The following SLC15A2 variants were observed in gnomAD, a reference collection of about 807,000 sequenced individuals.
SLC15A2 encodes solute carrier family 15 member 2.
In SLC15A2, 77 loss-of-function variants were observed where a neutral mutation model predicts 95.5. That is an observed-to-expected ratio of 0.81 (90% confidence interval 0.67 to 0.97). The LOEUF (loss-of-function observed/expected upper bound fraction) is 0.97, where lower values mean the gene tolerates loss of function less well. Ranked by LOEUF, SLC15A2 falls within the 50% of genes least tolerant of loss-of-function variation. The pLI, the probability that SLC15A2 is intolerant of heterozygous loss-of-function variation, is 0.00. For synonymous variants in SLC15A2, 306 were observed against 306.9 expected (o/e 1.00, Z 0.03); for missense variants, 893 against 874.4 (o/e 1.02, Z -0.27).
In SLC15A2 at chr3:121,944,013, A is replaced by G. The variant is rs1188957433; in HGVS notation, c.*3006A>G. On this transcript the variant is annotated 3_prime_UTR_variant, in exon 22 of 22. Coordinates refer to ENST00000489711, the MANE Select transcript of SLC15A2 (RefSeq NM_021082.4). ...ATCTGTTATGTATCAATTTTTTAAA[A>G]AGTGAATGACATAATTCATTTGAAA... 1.3e-5 allele frequency: 2 copies of G among 152,246 alleles called. No homozygotes were observed. Among genetic ancestry groups the G allele is most frequent in the Admixed American group, 1.3e-4 (2 of 15,286 alleles). The allele number at this position is 152,246 out of a possible 1,614,324, so 9.4% of individuals were successfully genotyped here.
intron 19 of SLC15A2, among the ~76,000 whole-genome samples, chr3:121,939,006 T>G (rs1710406175): frequency 6.6e-6 from 1 of 152,228 alleles, no homozygotes; most frequent in African/African-American, 2.4e-5. Context: ...ATCTGAAAAT[T>G]TATTTTGTTT....
chr3:121,915,009 A>C, intron 5 of SLC15A2: 1 of 1,317,578 alleles, frequency 7.6e-7, no homozygotes, highest in Non-Finnish European at 9.7e-7. Flanking sequence ...AAGGGAGGAA[A>C]AGAATGCTAA....
chr3:121,930,797 T>C (rs1710217347), intron 17 of SLC15A2, 43 bp from the exon 18 acceptor site: 1 of 1,274,170 alleles, frequency 7.8e-7, no homozygotes, highest in African/African-American at 1.5e-5. Context: ...TTTTATCAGG[T>C]GTTCCTGTTT....
intron 19 of SLC15A2, among the ~76,000 whole-genome samples, chr3:121,938,000 G>T (rs1439050792): frequency 6.6e-6 from 1 of 151,650 alleles, no homozygotes; most frequent in Non-Finnish European, 1.5e-5. Context: ...ACCCTCAGCT[G>T]CAGGTCTGTT....
intron 2 of SLC15A2, 74 bp from the exon 3 acceptor site, chr3:121,897,313 AT>A (rs376735450): frequency 6.1e-5 from 95 of 1,549,736 alleles, no homozygotes; most frequent in Middle Eastern, 3.8e-4. Context: ...GAGATTAAAT[AT>A]TTTTTTCCAT....
chr3:121,937,613 C>T (rs1393174109), intron 19 of SLC15A2, among the ~76,000 whole-genome samples: 1 of 151,926 alleles, frequency 6.6e-6, no homozygotes, highest in Admixed American at 6.6e-5. Flanking sequence ...TTTTCAGCTC[C>T]ATCAGCTCCT....
At position 121,928,882 on chromosome 3, in the gene SLC15A2, A is replaced by G. The variant is rs891610836; in HGVS notation, c.1342-100A>G. The stretch of plus-strand genomic sequence containing the variant: ...TAAAGAAAGGAATTACTAGGTTGAA[A>G]GTGTCTGATGAGGTCACCTACCCTG... On this transcript the variant is annotated intron_variant, in intron 15 of 21. Transcript: ENST00000489711. The G allele has an allele frequency of 3.1e-6, 4 of 1,274,284 alleles. No individual in the cohort carries two copies. In the African/African-American group the frequency reaches 6.0e-5, roughly 19 times the overall value. The allele number at this position is 1,274,284 out of a possible 1,614,324, so 78.9% of individuals were successfully genotyped here.
intron 11 of SLC15A2, among the ~76,000 whole-genome samples, chr3:121,923,801 A>G (rs1443791395): frequency 2.0e-5 from 3 of 152,178 alleles, no homozygotes; most frequent in Non-Finnish European, 2.9e-5. Context: ...AGATTAGTGT[A>G]TTATTTTTCT....
chr3:121,920,186 A>G (rs1485341378), intron 7 of SLC15A2, among the ~76,000 whole-genome samples: 3 of 152,216 alleles, frequency 2.0e-5, no homozygotes, highest in East Asian at 3.8e-4. Context: ...CACTATTGCA[A>G]CCAGCATTCC....
chr3:121,931,178 C>A (rs961706266), intron 18 of SLC15A2, among the ~76,000 whole-genome samples: 2 of 152,148 alleles, frequency 1.3e-5, no homozygotes, highest in Non-Finnish European at 2.9e-5. Flanking sequence ...TTAACACAGC[C>A]CATCTCTGTA....
At chr3:121,909,652 T>A (rs1218762731) in intron 3 of SLC15A2, among the ~76,000 whole-genome samples, 2 of 152,186 alleles carry the variant, frequency 1.3e-5, no homozygotes, top group Non-Finnish European at 2.9e-5. Flanking sequence ...GTTGTTTTTT[T>A]AATCTATAAG....
At chr3:121,925,734 A>G (rs1308574616) in intron 13 of SLC15A2, among the ~76,000 whole-genome samples, 3 of 9,294 alleles carry the variant, frequency 3.2e-4, no homozygotes, top group Non-Finnish European at 4.3e-4. Flanking sequence ...GACTATATAT[A>G]TATATATATA....
At chr3:121,906,452 A>T (rs1254307892) in intron 3 of SLC15A2, among the ~76,000 whole-genome samples, 3 of 152,206 alleles carry the variant, frequency 2.0e-5, no homozygotes, top group Non-Finnish European at 4.4e-5. Context: ...TCTTTCTAGC[A>T]TTGATGGTCT....
chr3:121,906,145 GT>G (rs1251506164), intron 3 of SLC15A2, among the ~76,000 whole-genome samples: 1 of 152,070 alleles, frequency 6.6e-6, no homozygotes, highest in African/African-American at 2.4e-5. Flanking sequence ...TTTAAAGTCT[GT>G]TTTGTCAGAG....
chr3:121,924,413 T>G (rs1364607006), intron 12 of SLC15A2, 30 bp downstream of exon 12: 18 of 1,603,750 alleles, frequency 1.1e-5, no homozygotes, highest in Non-Finnish European at 1.5e-5. Context: ...CCATGGGGAC[T>G]TATTTGTTTC....
At chr3:121,915,732 T>C in intron 7 of SLC15A2, 39 bp downstream of exon 7, 1 of 1,407,298 alleles carries the variant, frequency 7.1e-7, no homozygotes, top group Non-Finnish European at 1.0e-6. Flanking sequence ...TAATCATTGA[T>C]ACCTGACACA....
At chr3:121,915,092 A>G in intron 5 of SLC15A2, 135 bp from the exon 6 acceptor site, 2 of 1,118,164 alleles carry the variant, frequency 1.8e-6, no homozygotes, top group South Asian at 3.9e-5. Context: ...TCTATTAATA[A>G]TATGAAATTC....
chr3:121,912,350 C>T (rs962079903), intron 4 of SLC15A2, among the ~76,000 whole-genome samples: 1 of 152,168 alleles, frequency 6.6e-6, no homozygotes, highest in African/African-American at 2.4e-5. Flanking sequence ...TCTCCCACCT[C>T]AGCCTCCCGA....
At chr3:121,935,704 T>TA (rs1710330003) in intron 19 of SLC15A2, among the ~76,000 whole-genome samples, 1 of 152,104 alleles carries the variant, frequency 6.6e-6, no homozygotes, top group Non-Finnish European at 1.5e-5. Context: ...GTTGATCCTT[T>TA]CAAAAAACCA....
Sources: gnomAD v4.1 joint callset for allele counts (sites outside exome capture counted in the v4.1 genomes callset) on GRCh38, gnomAD v4.1.1 for gene constraint, MANE v1.5 for transcripts, NCBI Gene and HGNC (gene_info 2026-07-23, HGNC 2026-07-21) for gene names.